ALK: variants seen among roughly 807,000 people sequenced by gnomAD.
The protein encoded by ALK is ALK tyrosine kinase receptor.
In ALK, 74 loss-of-function variants were observed where a neutral mutation model predicts 163.1. That is an observed-to-expected ratio of 0.45 (90% confidence interval 0.38 to 0.55). The LOEUF (loss-of-function observed/expected upper bound fraction) is 0.55. ALK is among the 20% of genes least tolerant of loss of function. ALK has a pLI of 0.00. For synonymous variants in ALK, 960 were observed against 843.2 expected (o/e 1.14, Z -2.40); for missense variants, 2,063 against 2,105.3 (o/e 0.98, Z 0.39).
At chr2:29,842,745 C>A (rs1182998988) in intron 1 of ALK, among the ~76,000 whole-genome samples, 1 of 152,196 alleles carries the variant, frequency 6.6e-6, no homozygotes, top group Non-Finnish European at 1.5e-5. Flanking sequence ...CATGTGCCTG[C>A]ATTGGACTGT....
chr2:29,888,785 T>TC (rs1667058027), intron 1 of ALK, among the ~76,000 whole-genome samples: 1 of 152,176 alleles, frequency 6.6e-6, no homozygotes, highest in Admixed American at 6.5e-5. Flanking sequence ...AAAAACCACT[T>TC]TAAAAAAAAG....
rs544557260 is a variant in ALK at position 29,880,484 on chromosome 2, C to T, written c.667+39509G>A. Among the ~76,000 whole-genome samples, 4 of 152,184 alleles carry T rather than the reference C, an allele frequency of 2.6e-5. No individual in the cohort carries two copies. In the East Asian group the frequency reaches 7.7e-4, roughly 29 times the overall value. On this transcript the variant is annotated intron_variant, in intron 1 of 28. Transcript: ENST00000389048. ...AAAAGCTGATGAAAGCTATGGACTCCCCACTTTGGACCAAATTAAAAGCCA... is the reference window on the plus strand; with the variant it reads ...AAAAGCTGATGAAAGCTATGGACTCTCCACTTTGGACCAAATTAAAAGCCA...
intron 3 of ALK, among the ~76,000 whole-genome samples, chr2:29,676,722 A>G (rs142907907): frequency 7.7e-4 from 117 of 152,166 alleles, no homozygotes; most frequent in African/African-American, 2.7e-3. Context: ...TTATTGATCA[A>G]TGTGGGGAGA....
At chr2:29,531,682 G>A (rs1386864592) in intron 4 of ALK, among the ~76,000 whole-genome samples, 1 of 152,108 alleles carries the variant, frequency 6.6e-6, no homozygotes, top group African/African-American at 2.4e-5. Context: ...TCCCCACTCT[G>A]GCAGCTGGTC....
At chr2:29,501,924 T>C (rs1672198639) in intron 4 of ALK, among the ~76,000 whole-genome samples, 1 of 152,238 alleles carries the variant, frequency 6.6e-6, no homozygotes, top group African/African-American at 2.4e-5. Flanking sequence ...ATGAGTGGAA[T>C]TGTATAGTAT....
intron 8 of ALK, among the ~76,000 whole-genome samples, chr2:29,316,010 G>A (rs1336470398): frequency 2.6e-5 from 4 of 152,164 alleles, no homozygotes; most frequent in Non-Finnish European, 4.4e-5. Context: ...TGTAGGGTTG[G>A]TGGGGTTTGA....
intron 1 of ALK, among the ~76,000 whole-genome samples, chr2:29,844,691 C>T (rs13024453): frequency 1.3e-5 from 2 of 151,814 alleles, no homozygotes; most frequent in Admixed American, 6.6e-5. Flanking sequence ...TCCATTTCTA[C>T]GATTCATGAG....
intron 3 of ALK, among the ~76,000 whole-genome samples, chr2:29,654,494 G>A (rs945772296): frequency 3.3e-5 from 5 of 152,208 alleles, no homozygotes; most frequent in African/African-American, 9.6e-5. Flanking sequence ...CCATGAAAAA[G>A]GAAGCTTGGG....
At chr2:29,359,306 A>G (rs1668334165) in intron 5 of ALK, among the ~76,000 whole-genome samples, 1 of 152,160 alleles carries the variant, frequency 6.6e-6, no homozygotes, top group African/African-American at 2.4e-5. Flanking sequence ...AGGGTGGCCC[A>G]GGTCTCCTCC....
chr2:29,356,670 G>C (rs955474908), intron 5 of ALK, among the ~76,000 whole-genome samples: 1 of 152,136 alleles, frequency 6.6e-6, no homozygotes, highest in African/African-American at 2.4e-5. Flanking sequence ...GCCTGATTTT[G>C]GGATGGGAGA....
At chr2:29,848,258 A>G (rs1306726298) in intron 1 of ALK, among the ~76,000 whole-genome samples, 6 of 147,536 alleles carry the variant, frequency 4.1e-5, no homozygotes, top group African/African-American at 1.5e-4. Context: ...TTTGAATTGC[A>G]TAGATTCAAA....
chr2:29,858,809 C>T (rs769038975), intron 1 of ALK, among the ~76,000 whole-genome samples: 9 of 151,922 alleles, frequency 5.9e-5, no homozygotes, highest in Middle Eastern at 3.2e-3. Context: ...GAGGCTGAGG[C>T]GGGCAGATCA....
chr2:29,731,914 A>G lies in ALK; in HGVS notation c.668-14217T>C, dbSNP rs2148318033. 1.3e-5 allele frequency among the ~76,000 whole-genome samples: 2 copies of G among 152,308 alleles called. 1 individual carries two copies. Among genetic ancestry groups the G allele is most frequent in the South Asian group, 4.1e-4 (2 of 4,826 alleles). ...TGTCAGTGACCTGTAAAGGTGTTGT[A>G]GGAAGGTGAGGTCAATTCCCTATTA... is the stretch of plus-strand genomic sequence containing the variant. On this transcript the variant is annotated intron_variant, in intron 1 of 28. Coordinates refer to ENST00000389048, the MANE Select transcript of ALK (RefSeq NM_004304.5).
intron 8 of ALK, among the ~76,000 whole-genome samples, chr2:29,301,514 T>C (rs145137891): frequency 6.6e-6 from 1 of 152,338 alleles, no homozygotes; most frequent in East Asian, 1.9e-4. Context: ...CAGGCTTTCC[T>C]CTTAGAGGTA....
chr2:29,234,771 CTGTT>C (rs1183322921), intron 13 of ALK, among the ~76,000 whole-genome samples: 2 of 152,210 alleles, frequency 1.3e-5, no homozygotes, highest in Non-Finnish European at 2.9e-5. Context: ...CTGTTCTTAT[CTGTT>C]TGTTTTTGCC....
chr2:29,660,524 T>C (rs1573535203), intron 3 of ALK, among the ~76,000 whole-genome samples: 1 of 7,786 alleles, frequency 1.3e-4, no homozygotes, highest in East Asian at 2.9e-3. Context: ...CAATTCCCTC[T>C]TTTTTAAAGG....
intron 3 of ALK, among the ~76,000 whole-genome samples, chr2:29,637,931 A>G (rs112939966): frequency 0.013 from 1,972 of 152,280 alleles, 42 homozygotes; most frequent in African/African-American, 0.044. Flanking sequence ...TATAGTTGCT[A>G]TTAAAACTCA....
intron 23 of ALK, among the ~76,000 whole-genome samples, chr2:29,218,447 G>A (rs1294934975): frequency 6.6e-6 from 1 of 151,996 alleles, no homozygotes; most frequent in Non-Finnish European, 1.5e-5. Context: ...GGTGGGGGTA[G>A]TGAGAGAGAG....
intron 1 of ALK, among the ~76,000 whole-genome samples, chr2:29,786,417 C>T (rs1000773730): frequency 6.6e-6 from 1 of 152,174 alleles, no homozygotes; most frequent in Admixed American, 6.5e-5. Context: ...AATGCAAAGG[C>T]CAGCAAGTTG....
Sources: gnomAD v4.1 joint callset for allele counts (sites outside exome capture counted in the v4.1 genomes callset) on GRCh38, gnomAD v4.1.1 for gene constraint, MANE v1.5 for transcripts, NCBI Gene and HGNC (gene_info 2026-07-23, HGNC 2026-07-21) for gene names.